Variants in RAI14 observed in about 807,000 individuals in gnomAD.
RAI14 encodes the protein ankycorbin.
A neutral mutation model predicts 115.4 loss-of-function variants in RAI14; 45 were observed. That is an observed-to-expected ratio of 0.39 (90% CI 0.31 to 0.50). The LOEUF (loss-of-function observed/expected upper bound fraction) is 0.50. Among genes scored for constraint, RAI14 ranks in the 20% least tolerant of loss-of-function variants. The probability of loss-of-function intolerance (pLI) is 0.85; values close to 1 mark genes in which losing one functional copy is unlikely to be tolerated. For synonymous variants in RAI14, 371 were observed against 415.4 expected (o/e 0.89, Z 1.30); for missense variants, 939 against 1,131.2 (o/e 0.83, Z 2.44).
intron 1 of RAI14, chr5:34,684,768 C>T (rs1744672382): frequency 6.6e-6 from 1 of 152,190 alleles, no homozygotes; most frequent in East Asian, 1.9e-4. Context: ...CCCCACCCAT[C>T]CTCTCAAGTC....
chr5:34,728,617 T>C (rs6893208), intron 2 of RAI14: 85,399 of 152,024 alleles, frequency 0.56, 24,613 homozygotes, highest in African/African-American at 0.68. Context: ...GCTCTTCCTT[T>C]GTCTTCTGCC....
At chr5:34,762,933 G>A (rs1748854814) in intron 3 of RAI14, among the ~76,000 whole-genome samples, 1 of 40,080 alleles carries the variant, frequency 2.5e-5, no homozygotes, top group African/African-American at 1.5e-4. Context: ...GTGTGCATGT[G>A]TGTGTGTGTG....
intron 1 of RAI14, among the ~76,000 whole-genome samples, chr5:34,658,672 C>T (rs1282993262): frequency 6.6e-6 from 1 of 152,116 alleles, no homozygotes; most frequent in Non-Finnish European, 1.5e-5. Flanking sequence ...GTGGCACGCA[C>T]TTGTAATCCC....
intron 2 of RAI14, among the ~76,000 whole-genome samples, chr5:34,732,521 C>G (rs903880923): frequency 6.7e-6 from 1 of 150,152 alleles, no homozygotes; most frequent in African/African-American, 2.5e-5. Flanking sequence ...TCACTGCACC[C>G]TCTGCCTCCC....
At chr5:34,712,636 T>C (rs1337607638) in intron 2 of RAI14, among the ~76,000 whole-genome samples, 1 of 152,240 alleles carries the variant, frequency 6.6e-6, no homozygotes, top group African/African-American at 2.4e-5. Context: ...TGTTATTTAC[T>C]GAGCACTGAG....
intron 3 of RAI14, among the ~76,000 whole-genome samples, chr5:34,769,853 A>T (rs965347834): frequency 3.9e-5 from 6 of 152,114 alleles, no homozygotes; most frequent in Non-Finnish European, 8.8e-5. Context: ...CAGCCTCACG[A>T]GTAGCTGGGA....
intron 2 of RAI14, among the ~76,000 whole-genome samples, chr5:34,705,811 C>A (rs555318650): frequency 6.6e-6 from 1 of 152,280 alleles, no homozygotes; most frequent in South Asian, 2.1e-4. Flanking sequence ...CCACATCCGA[C>A]TAATTTTGTA....
At chr5:34,731,323 A>G (rs961105311) in intron 2 of RAI14, among the ~76,000 whole-genome samples, 1 of 152,228 alleles carries the variant, frequency 6.6e-6, no homozygotes, top group African/African-American at 2.4e-5. Context: ...TAAATTACAT[A>G]CTTATCTTCA....
Position 34,662,526 on chromosome 5 carries a change from G to A in RAI14, c.-49+6051G>A, listed in dbSNP as rs73089108. 9.1e-3 allele frequency among the ~76,000 whole-genome samples: 1,378 copies of A among 152,086 alleles called. 18 individuals are homozygous for A. The highest frequency in any genetic ancestry group is 0.031 in the African/African-American group (1,280 of 41,478). On this transcript the variant is annotated intron_variant, in intron 1 of 17. Coordinates refer to ENST00000265109, the MANE Select transcript of RAI14 (RefSeq NM_015577.3). ...TCCCAGTGAACTATATTAGGTATAC[G>A]ATACTGATGATATCCTTTAAAACAT...
chr5:34,805,827 C>T (rs1036665107), intron 5 of RAI14, among the ~76,000 whole-genome samples: 4 of 152,026 alleles, frequency 2.6e-5, no homozygotes, highest in Admixed American at 6.5e-5. Context: ...GGTGACAGGG[C>T]GAGACTCCAT....
intron 2 of RAI14, among the ~76,000 whole-genome samples, chr5:34,753,652 A>G (rs1747447765): frequency 6.6e-6 from 1 of 152,068 alleles, no homozygotes; most frequent in South Asian, 2.1e-4. Flanking sequence ...ATTGTGAGTC[A>G]CACCTATAAT....
chr5:34,826,029 T>G (rs1757402006), intron 15 of RAI14: 1 of 187,700 alleles, frequency 5.3e-6, no homozygotes, highest in Non-Finnish European at 1.1e-5. Context: ...ATACCCATTT[T>G]AAGAGTAAAA....
chr5:34,823,005 A>G lies in RAI14; in HGVS notation c.1163A>G (p.His388Arg), dbSNP rs887577806. 6.2e-7 allele frequency: 1 copy of G among 1,613,726 alleles called. No homozygotes were observed. The highest frequency in any genetic ancestry group is 1.7e-5 in the Admixed American group (1 of 59,952). The change falls in exon 15 of 18, where the codon CAT becomes CGT. Residue 388 changes from histidine to arginine, a missense_variant. By Grantham distance (29) the His-to-Arg change is conservative. Coordinates refer to ENST00000265109, the MANE Select transcript of RAI14 (RefSeq NM_015577.3). The surrounding 1 kb of genome is among the most constrained non-coding windows in gnomAD (Gnocchi z 4.5). ...GCAGACCTAAGCTTTGACTCATACC[A>G]TTCCACCCAAACTGACTTGGGCCCA... ...AEADLSFDSY[H>R]STQTDLGPSL...
At chr5:34,797,625 A>AG (rs561179775) in intron 4 of RAI14, among the ~76,000 whole-genome samples, 334 of 152,312 alleles carry the variant, frequency 2.2e-3, no homozygotes, top group African/African-American at 7.6e-3. Context: ...ACACCAATAT[A>AG]GGGGGATAAA....
chr5:34,807,903 C>T (rs904173886), intron 6 of RAI14, 46 bp downstream of exon 6: 2 of 1,472,700 alleles, frequency 1.4e-6, no homozygotes, highest in South Asian at 2.3e-5. Flanking sequence ...TTAGAAACAC[C>T]AACTTTTCTT....
intron 2 of RAI14, chr5:34,688,146 C>T: frequency 6.5e-7 from 1 of 1,537,308 alleles, no homozygotes; most frequent in Admixed American, 2.1e-5. Context: ...AGTGAAAGTC[C>T]TGGTCATCCG....
intron 1 of RAI14, among the ~76,000 whole-genome samples, chr5:34,666,365 G>T (rs904122955): frequency 6.6e-6 from 1 of 151,850 alleles, no homozygotes; most frequent in Non-Finnish European, 1.5e-5. Flanking sequence ...TAGGCTCACA[G>T]GTAGGCCTTT....
intron 17 of RAI14, 48 bp from the exon 18 acceptor site, chr5:34,830,640 A>T: frequency 6.2e-7 from 1 of 1,612,448 alleles, no homozygotes; most frequent in Middle Eastern, 1.7e-4. Context: ...AGAAAGTGCC[A>T]TGGCTTAATT....
At position 34,671,453 on chromosome 5, in the gene RAI14, G is replaced by A. The variant is rs890169381; in HGVS notation, c.-49+14978G>A. ...TTGTTTTGTGATCTTATGATAGTAA[G>A]TGAATGTTAAAGCTGGGAGCGTATA... On this transcript the variant is annotated intron_variant, in intron 1 of 17. Coordinates refer to ENST00000265109, the MANE Select transcript of RAI14 (RefSeq NM_015577.3). Among the ~76,000 whole-genome samples the A allele has an allele frequency of 2.6e-5, 4 of 152,150 alleles. No homozygotes were observed. The East Asian group carries it at 5.8e-4, about 22-fold the overall frequency.
Sources: allele counts gnomAD v4.1 joint callset (sites outside exome capture counted in the v4.1 genomes callset), GRCh38; gene constraint gnomAD v4.1.1; non-coding constraint Gnocchi (gnomAD v3.1); transcripts MANE v1.5; gene names NCBI Gene and HGNC (gene_info 2026-07-23, HGNC 2026-07-21).